SLC7A14: variants seen among roughly 807,000 people sequenced by gnomAD.
SLC7A14 encodes the protein gamma-aminobutyric acid transporter SLC7A14.
A neutral mutation model predicts 60.2 loss-of-function variants in SLC7A14; 37 were observed. The observed-to-expected ratio is 0.61, with a 90% confidence interval of 0.47 to 0.81. The LOEUF is 0.81. SLC7A14 is among the 30% of genes least tolerant of loss of function. The pLI is 0.00. For synonymous variants in SLC7A14, 399 were observed against 395.8 expected (o/e 1.01, Z -0.10); for missense variants, 886 against 982.7 (o/e 0.90, Z 1.32).
At chr3:170,503,538 C>T (rs562624979) in intron 2 of SLC7A14, among the ~76,000 whole-genome samples, 1 of 152,118 alleles carries the variant, frequency 6.6e-6, no homozygotes, top group Non-Finnish European at 1.5e-5. Context: ...CACTTCCCTG[C>T]TTTGGTATTG....
chr3:170,489,575 A>C (rs1362186887), intron 4 of SLC7A14, among the ~76,000 whole-genome samples: 1 of 152,214 alleles, frequency 6.6e-6, no homozygotes, highest in Non-Finnish European at 1.5e-5. Flanking sequence ...TGTTCCAGCA[A>C]TCCCACTGCT....
At chr3:170,577,100 C>T (rs1386465712) in intron 1 of SLC7A14, among the ~76,000 whole-genome samples, 2 of 152,188 alleles carry the variant, frequency 1.3e-5, no homozygotes, top group African/African-American at 4.8e-5. Flanking sequence ...TTCCTCTGGA[C>T]TAACTCTATG....
chr3:170,555,339 G>A (rs1021230169), intron 1 of SLC7A14, among the ~76,000 whole-genome samples: 1 of 151,844 alleles, frequency 6.6e-6, no homozygotes, highest in Non-Finnish European at 1.5e-5. Context: ...GGTTGAAAAT[G>A]GTCTGAAATT....
intron 1 of SLC7A14, among the ~76,000 whole-genome samples, chr3:170,537,363 A>G (rs1415073710): frequency 6.6e-6 from 1 of 152,096 alleles, no homozygotes; most frequent in African/African-American, 2.4e-5. Context: ...ATTATATCAA[A>G]TCTATTCTCT....
At chr3:170,558,257 G>T (rs1353482749) in intron 1 of SLC7A14, among the ~76,000 whole-genome samples, 3 of 152,046 alleles carry the variant, frequency 2.0e-5, no homozygotes, top group African/African-American at 7.2e-5. Flanking sequence ...AATCCCAGCT[G>T]CTCAGGAGGC....
intron 2 of SLC7A14, among the ~76,000 whole-genome samples, chr3:170,521,904 G>A (rs2108291354): frequency 6.6e-6 from 1 of 152,042 alleles, no homozygotes. Context: ...CTGGGAGACA[G>A]AGCAAGACTC....
intron 4 of SLC7A14, among the ~76,000 whole-genome samples, chr3:170,486,826 C>G (rs558985944): frequency 6.8e-6 from 1 of 147,520 alleles, no homozygotes; most frequent in African/African-American, 2.5e-5. Flanking sequence ...GAGCTGAGAT[C>G]GCGCCATTGC....
intron 1 of SLC7A14, among the ~76,000 whole-genome samples, chr3:170,538,153 A>G (rs924676827): frequency 6.6e-6 from 1 of 152,202 alleles, no homozygotes; most frequent in African/African-American, 2.4e-5. Context: ...AAGTGGATGC[A>G]TCTCTGTAGC....
intron 1 of SLC7A14, among the ~76,000 whole-genome samples, chr3:170,575,269 T>TA (rs1715058061): frequency 6.6e-6 from 1 of 152,188 alleles, no homozygotes; most frequent in Admixed American, 6.5e-5. Context: ...TGTGATAATT[T>TA]ATATGCAAGC....
At chr3:170,559,389 AAAT>A (rs1714576281) in intron 1 of SLC7A14, among the ~76,000 whole-genome samples, 1 of 152,354 alleles carries the variant, frequency 6.6e-6, no homozygotes, top group Admixed American at 6.5e-5. Context: ...GTTACTATAA[AAAT>A]AATAATTGAC....
At chr3:170,574,304 A>G (rs542040805) in intron 1 of SLC7A14, among the ~76,000 whole-genome samples, 1 of 152,356 alleles carries the variant, frequency 6.6e-6, no homozygotes, top group African/African-American at 2.4e-5. Flanking sequence ...GAAATGCATC[A>G]TGGTGATCAA....
At position 170,529,470 on chromosome 3, in the gene SLC7A14, A is replaced by T. The variant is rs116310294; in HGVS notation, c.-152-2382T>A. Among the ~76,000 whole-genome samples, 835 of 152,322 alleles carry T rather than the reference A, an allele frequency of 5.5e-3. 8 individuals carry two copies. Among genetic ancestry groups the T allele is most frequent in the African/African-American group, 0.019 (797 of 41,560 alleles). Reference sequence around the variant, plus strand: ...TTTAGTTTTAATTCATCCGTTCAAGAAACTATACAAAGCATCTTCTCTGTG... The same window carrying T: ...TTTAGTTTTAATTCATCCGTTCAAGTAACTATACAAAGCATCTTCTCTGTG... On this transcript the variant is annotated intron_variant, in intron 1 of 7. Transcript: ENST00000231706.
intron 1 of SLC7A14, among the ~76,000 whole-genome samples, chr3:170,550,390 C>T (rs1021132633): frequency 9.2e-5 from 14 of 151,968 alleles, no homozygotes; most frequent in African/African-American, 2.7e-4. Flanking sequence ...AGCCATAAAC[C>T]GTAAAGTGTG....
At chr3:170,515,458 G>A (rs977961316) in intron 2 of SLC7A14, among the ~76,000 whole-genome samples, 1 of 152,036 alleles carries the variant, frequency 6.6e-6, no homozygotes, top group Non-Finnish European at 1.5e-5. Flanking sequence ...CCATATCTTG[G>A]CACACCTCTA....
chr3:170,547,055 T>C (rs1021631761), intron 1 of SLC7A14, among the ~76,000 whole-genome samples: 9 of 152,156 alleles, frequency 5.9e-5, no homozygotes, highest in African/African-American at 1.9e-4. Context: ...CAGGTGATTC[T>C]AATGTGCAGC....
intron 7 of SLC7A14, among the ~76,000 whole-genome samples, chr3:170,478,645 C>T (rs985331112): frequency 5.3e-5 from 8 of 152,190 alleles, no homozygotes; most frequent in Non-Finnish European, 1.0e-4. Flanking sequence ...ATTCTACCCC[C>T]TCCAAGTTTT....
rs763386886 is a variant in SLC7A14, at chr3:170,480,320, T to A, written c.1962A>T (p.Thr654=). The A allele has an allele frequency of 6.5e-7, 1 of 1,549,796 alleles. No homozygotes were observed. The highest frequency in any genetic ancestry group is 8.7e-7 in the Non-Finnish European group (1 of 1,148,280). ...IYLMLKLSTI[T]WIRFAVWCFV... is the part of the protein sequence containing the mutation. ...AGCACCAGACCGCAAACCGGATCCA[T>A]GTGATGGTGGAGAGCTTTAGCATGA... The change falls in exon 7 of 8, where the codon ACA becomes ACT. Residue 654 remains threonine, a synonymous_variant. Transcript: ENST00000231706.
rs372542698 is a variant in SLC7A14, at chr3:170,570,392, T to G, written c.-153+15519A>C. On this transcript the variant is annotated intron_variant, in intron 1 of 7. Coordinates refer to ENST00000231706, the MANE Select transcript of SLC7A14 (RefSeq NM_020949.3). Reference sequence around the variant, plus strand: ...GAGCCCTGCTAGGTCAAGGTTGCAGTAAGCCATAATTGCACCGCCGTACTC... The same window carrying G: ...GAGCCCTGCTAGGTCAAGGTTGCAGGAAGCCATAATTGCACCGCCGTACTC... 15 of 151,960 alleles carry G rather than the reference T, an allele frequency of 9.9e-5. 1 individual carries two copies. Among genetic ancestry groups the G allele is most frequent in the East Asian group, 5.8e-4 (3 of 5,172 alleles). The allele number at this position is 151,960 out of a possible 1,614,324, so 9.4% of individuals were successfully genotyped here.
chr3:170,469,963 C>T (rs1472049283), intron 7 of SLC7A14, among the ~76,000 whole-genome samples: 1 of 152,162 alleles, frequency 6.6e-6, no homozygotes, highest in Admixed American at 6.5e-5. Flanking sequence ...CCTGCCCCCA[C>T]AAGGTATTTT....
Sources: gnomAD v4.1 joint callset for allele counts (sites outside exome capture counted in the v4.1 genomes callset) on GRCh38, gnomAD v4.1.1 for gene constraint, MANE v1.5 for transcripts, NCBI Gene and HGNC (gene_info 2026-07-23, HGNC 2026-07-21) for gene names.